The following MYO9B variants were observed in gnomAD, a reference collection of about 807,000 sequenced individuals.
The protein encoded by MYO9B is myosin IXB.
Under a neutral mutation model 229.5 loss-of-function variants are expected in MYO9B, and 71 were observed. The observed-to-expected ratio is 0.31, with a 90% confidence interval of 0.26 to 0.38. The LOEUF (loss-of-function observed/expected upper bound fraction) is 0.38. Among genes scored for constraint, MYO9B ranks in the 10% least tolerant of loss-of-function variants. MYO9B has a pLI of 1.00. For synonymous variants in MYO9B, 1,185 were observed against 1,235.8 expected, an observed-to-expected ratio of 0.96 and a Z score of 0.86; for missense variants, 2,255 against 2,920.5, an observed-to-expected ratio of 0.77 and a Z score of 5.25.
Position 17,185,967 on chromosome 19 carries a change from T to C in MYO9B, c.2543T>C (p.Phe848Ser), listed in dbSNP as rs1309951430. The change falls in exon 18 of 40, where the codon TTC becomes TCC. Residue 848 changes from phenylalanine (F) to serine (S), a missense_variant. Around this residue, in one of 7 missense-constraint regions of MYO9B, gnomAD observed 68 missense variants for 133.5 expected, o/e 0.51. Coordinates refer to ENST00000682292, the MANE Select transcript of MYO9B (RefSeq NM_004145.4). ...LLEALGKAEPFFIRCIRSNAE... is the reference protein window; with the variant it reads ...LLEALGKAEPSFIRCIRSNAE... ...GAGGCACTGGGGAAGGCGGAGCCCT[T>C]CTTTATCCGCTGCATCCGTTCCAAT... 1 of 1,613,806 alleles carries C rather than the reference T, an allele frequency of 6.2e-7. No homozygotes were observed. Among genetic ancestry groups the C allele is most frequent in the East Asian group, 2.2e-5 (1 of 44,882 alleles).
chr19:17,189,793 G>A (rs1194906750), intron 19 of MYO9B, among the ~76,000 whole-genome samples: 2 of 152,094 alleles, frequency 1.3e-5, no homozygotes, highest in African/African-American at 4.8e-5. Context: ...GCTGGGCGCA[G>A]TGGCTCATGC....
At chr19:17,197,004 G>C (rs115436704) in intron 22 of MYO9B, among the ~76,000 whole-genome samples, 1 of 152,016 alleles carries the variant, frequency 6.6e-6, no homozygotes, top group Non-Finnish European at 1.5e-5. Flanking sequence ...AGCCGGGTTC[G>C]GGGGCTCACA....
At chr19:17,099,586 C>T (rs151118701) in intron 1 of MYO9B, among the ~76,000 whole-genome samples, 1 of 151,564 alleles carries the variant, frequency 6.6e-6, no homozygotes, top group African/African-American at 2.4e-5. Context: ...AAGCCCGAAG[C>T]GGGTGGATCA....
At chr19:17,176,331 C>T (rs1354334090) in intron 14 of MYO9B, among the ~76,000 whole-genome samples, 1 of 151,372 alleles carries the variant, frequency 6.6e-6, no homozygotes. Flanking sequence ...CCACTGCACC[C>T]TGCCTAATTT....
intron 16 of MYO9B, chr19:17,184,477 A>C (rs1328621446): frequency 5.4e-6 from 1 of 186,674 alleles, no homozygotes; most frequent in Non-Finnish European, 1.1e-5. Flanking sequence ...CTGTCCGATG[A>C]GCTCATGCGG....
chr19:17,211,882 TG>T lies in MYO9B; in HGVS notation c.6059-12del. 1.9e-6 allele frequency: 3 copies of T among 1,588,704 alleles called. No homozygotes were observed. The highest frequency in any genetic ancestry group is 2.6e-6 in the Non-Finnish European group (3 of 1,165,312). On this transcript the variant is annotated splice_polypyrimidine_tract_variant and intron_variant, in intron 39 of 39. Coordinates refer to ENST00000682292, the MANE Select transcript of MYO9B (RefSeq NM_004145.4). ...CTGAAGCTGCAGTAACCCTGCCATCTGTCTCTCAAAAGGGCCCCCTGCGCCT... is the reference window on the plus strand; with the variant it reads ...CTGAAGCTGCAGTAACCCTGCCATCTTCTCTCAAAAGGGCCCCCTGCGCCT...
chr19:17,206,596 T>C, intron 33 of MYO9B, 83 bp from the exon 34 acceptor site: 2 of 1,333,982 alleles, frequency 1.5e-6, no homozygotes, highest in Non-Finnish European at 2.1e-6. Context: ...ATGGCACCTG[T>C]GCATCTCAGG....
At chr19:17,082,189 G>A (rs530154861) in intron 1 of MYO9B, among the ~76,000 whole-genome samples, 2 of 152,162 alleles carry the variant, frequency 1.3e-5, no homozygotes, top group African/African-American at 2.4e-5. Flanking sequence ...AATAGCCCTC[G>A]CCTCTGTTCA....
chr19:17,194,435 G>A (rs922006392), intron 21 of MYO9B, 121 bp from the exon 22 acceptor site: 1 of 1,096,484 alleles, frequency 9.1e-7, no homozygotes, highest in African/African-American at 1.6e-5. Flanking sequence ...ATCTCTCAGG[G>A]CCACTGGGCA....
At chr19:17,124,061 G>A (rs2057991825) in intron 2 of MYO9B, among the ~76,000 whole-genome samples, 1 of 151,610 alleles carries the variant, frequency 6.6e-6, no homozygotes, top group East Asian at 2.0e-4. Flanking sequence ...GCTAATTTTT[G>A]TATTGTTTGT....
chr19:17,097,430 C>G (rs2057703855), intron 1 of MYO9B, among the ~76,000 whole-genome samples: 1 of 152,056 alleles, frequency 6.6e-6, no homozygotes, highest in Non-Finnish European at 1.5e-5. Context: ...AAAGCTTTAT[C>G]TCATGACCTG....
rs774700019 is a variant in MYO9B, at chr19:17,206,365, T to A, written c.5375T>A (p.Leu1792His). 101 of 1,610,008 alleles carry A rather than the reference T, an allele frequency of 6.3e-5. No homozygotes were observed. Among genetic ancestry groups the A allele is most frequent in the Non-Finnish European group, 8.1e-5 (96 of 1,179,518 alleles). ...ACCTTCGCACAGTACGGCGACTTCC[T>A]CCGAGCCGTCGGTGAGCCCCATGGC... ...LMTFAQYGDF[L>H]RAVELPEKQE... The change falls in exon 33 of 40, where the codon CTC becomes CAC. Residue 1792 changes from leucine (L) to histidine (H), a missense_variant. Leu to His is a moderately conservative substitution (Grantham distance 99, BLOSUM62 -3). This residue lies in a region of MYO9B where 416 missense variants were observed against 605.5 expected (regional missense o/e 0.69). Coordinates refer to ENST00000682292, the MANE Select transcript of MYO9B (RefSeq NM_004145.4).
intron 2 of MYO9B, among the ~76,000 whole-genome samples, chr19:17,124,580 T>G (rs1413307498): frequency 6.6e-6 from 1 of 151,924 alleles, no homozygotes; most frequent in Non-Finnish European, 1.5e-5. Flanking sequence ...GAGCTCAGCC[T>G]GGCCAACATG....
At chr19:17,110,896 C>T (rs574960439) in intron 2 of MYO9B, among the ~76,000 whole-genome samples, 1 of 152,134 alleles carries the variant, frequency 6.6e-6, no homozygotes, top group African/African-American at 2.4e-5. Context: ...ACCTAGGACT[C>T]GTACCCACCT....
In MYO9B at chr19:17,156,957, TAAG is replaced by T; in HGVS notation, c.1253_1255del (p.Lys418del). On this transcript the variant is annotated inframe_deletion, in exon 7 of 40. Transcript: ENST00000682292. ...TCCTGTACCTGGGCAACGTCACTTA[TAAG>T]AAGAGAGCTACAGGCCGAGAGGAAG... 1 of 1,613,844 alleles carries T rather than the reference TAAG, an allele frequency of 6.2e-7. No homozygotes were observed. The highest frequency in any genetic ancestry group is 1.7e-4 in the Middle Eastern group (1 of 5,994).
intron 23 of MYO9B, 84 bp from the exon 24 acceptor site, chr19:17,198,100 A>C: frequency 6.5e-7 from 1 of 1,539,586 alleles, no homozygotes; most frequent in Non-Finnish European, 8.8e-7. Flanking sequence ...CGGTGGATGG[A>C]GTGTAAATGC....
At chr19:17,128,184 C>G (rs545261506) in intron 2 of MYO9B, among the ~76,000 whole-genome samples, 2 of 151,358 alleles carry the variant, frequency 1.3e-5, no homozygotes, top group African/African-American at 4.9e-5. Flanking sequence ...CAAGGCCACC[C>G]TGGGCAACAT....
At chr19:17,157,981 C>T (rs1158238045) in intron 7 of MYO9B, among the ~76,000 whole-genome samples, 1 of 152,148 alleles carries the variant, frequency 6.6e-6, no homozygotes, top group Non-Finnish European at 1.5e-5. Flanking sequence ...GCAGTTCTGC[C>T]CCTAGGACAC....
rs371493559 is a variant in MYO9B at position 17,201,717 on chromosome 19, A to C, written c.4564-209A>C. Among the ~76,000 whole-genome samples the C allele has an allele frequency of 8.2e-4, 124 of 152,094 alleles. 2 individuals carry two copies. In the South Asian group the frequency reaches 0.024, roughly 30 times the overall value. On this transcript the variant is annotated intron_variant, in intron 26 of 39. Transcript: ENST00000682292. ...TGCTGTGGTACACAGGGCAGGCCCC[A>C]ATGTGGAGAGTAGTCCTGCCCTCAA...
Sources: allele counts gnomAD v4.1 joint callset (sites outside exome capture counted in the v4.1 genomes callset), GRCh38; gene constraint gnomAD v4.1.1; regional missense constraint gnomAD v4.1.1; transcripts MANE v1.5; gene names NCBI Gene and HGNC (gene_info 2026-07-23, HGNC 2026-07-21).